The following VEPH1 variants were observed in gnomAD, a reference collection of about 807,000 sequenced individuals.
The protein encoded by VEPH1 is ventricular zone-expressed PH domain-containing protein homolog 1.
A neutral mutation model predicts 85.2 loss-of-function variants in VEPH1; 80 were observed. The ratio of observed to expected loss-of-function variants is 0.94; its 90% CI spans 0.78 to 1.13. The LOEUF is 1.13. Ranked by LOEUF, VEPH1 falls within the 50% of genes most tolerant of loss-of-function variation. The pLI is 0.00. For missense variants in VEPH1, 955 were observed against 980.5 expected (o/e 0.97, Z 0.35); for synonymous variants, 297 against 348.0 (o/e 0.85, Z 1.63).
intron 3 of VEPH1, among the ~76,000 whole-genome samples, chr3:157,469,420 G>T (rs551448472): frequency 7.2e-5 from 11 of 152,310 alleles, no homozygotes; most frequent in African/African-American, 2.4e-4. Flanking sequence ...GTGCTCAGTG[G>T]AACACAGGTT....
chr3:157,342,693 A>G (rs1391126325), intron 9 of VEPH1, among the ~76,000 whole-genome samples: 1 of 152,216 alleles, frequency 6.6e-6, no homozygotes, highest in East Asian at 1.9e-4. Context: ...ACATCTACAG[A>G]ATTCTCCACC....
intron 12 of VEPH1, among the ~76,000 whole-genome samples, chr3:157,276,705 A>AT (rs1715448460): frequency 6.6e-6 from 1 of 152,138 alleles, no homozygotes; most frequent in South Asian, 2.1e-4. Context: ...AATTTTGCTT[A>AT]TTTTTTTATT....
At chr3:157,368,749 C>G (rs1283342150) in intron 7 of VEPH1, among the ~76,000 whole-genome samples, 2 of 152,008 alleles carry the variant, frequency 1.3e-5, no homozygotes, top group East Asian at 3.9e-4. Context: ...CCTCGGCCAC[C>G]CAAAGTGCTG....
chr3:157,288,566 T>C (rs1717073607), intron 11 of VEPH1, among the ~76,000 whole-genome samples: 1 of 152,144 alleles, frequency 6.6e-6, no homozygotes, highest in Non-Finnish European at 1.5e-5. Flanking sequence ...CATTGGTTTG[T>C]AGACCCAGCA....
intron 11 of VEPH1, among the ~76,000 whole-genome samples, chr3:157,289,475 T>C (rs1717208181): frequency 1.3e-5 from 2 of 152,242 alleles, no homozygotes; most frequent in African/African-American, 4.8e-5. Context: ...AACTTTGAAG[T>C]TGGTGATAAT....
At chr3:157,370,833 G>T (rs544947294) in intron 7 of VEPH1, among the ~76,000 whole-genome samples, 4 of 152,182 alleles carry the variant, frequency 2.6e-5, no homozygotes, top group Non-Finnish European at 5.9e-5. Context: ...TGACTGAACA[G>T]AATCTTATGG....
chr3:157,354,104 C>T (rs1725170130), intron 9 of VEPH1, among the ~76,000 whole-genome samples: 1 of 152,078 alleles, frequency 6.6e-6, no homozygotes, highest in South Asian at 2.1e-4. Context: ...ATGAGTTCAT[C>T]GATTGCACCA....
chr3:157,433,606 T>C (rs1733333987), intron 4 of VEPH1, among the ~76,000 whole-genome samples: 1 of 152,260 alleles, frequency 6.6e-6, no homozygotes, highest in African/African-American at 2.4e-5. Context: ...ATGTGTATTT[T>C]TATGCATATT....
intron 2 of VEPH1, among the ~76,000 whole-genome samples, chr3:157,475,557 T>C (rs989579565): frequency 3.3e-5 from 5 of 152,152 alleles, no homozygotes; most frequent in African/African-American, 1.2e-4. Context: ...AAAGCCAGAG[T>C]GCACAAATAA....
At chr3:157,311,962 A>G (rs1033524479) in intron 11 of VEPH1, among the ~76,000 whole-genome samples, 16 of 152,202 alleles carry the variant, frequency 1.1e-4, no homozygotes, top group Admixed American at 9.2e-4. Context: ...TAGTGATGCA[A>G]TCGTTTCATA....
intron 12 of VEPH1, among the ~76,000 whole-genome samples, chr3:157,271,733 A>T (rs1714579872): frequency 6.6e-6 from 1 of 152,292 alleles, no homozygotes; most frequent in East Asian, 1.9e-4. Context: ...CAATCACTAC[A>T]TGGCAGCCTG....
intron 1 of VEPH1, among the ~76,000 whole-genome samples, chr3:157,496,057 G>A (rs896593685): frequency 1.3e-5 from 2 of 152,118 alleles, no homozygotes; most frequent in East Asian, 1.9e-4. Context: ...CTACTCCTAC[G>A]TACTCTATAA....
At chr3:157,349,829 A>G (rs1724662087) in intron 9 of VEPH1, among the ~76,000 whole-genome samples, 1 of 152,200 alleles carries the variant, frequency 6.6e-6, no homozygotes, top group Non-Finnish European at 1.5e-5. Flanking sequence ...GAGGTGGAAG[A>G]CTTCTACAAG....
intron 11 of VEPH1, among the ~76,000 whole-genome samples, chr3:157,306,720 T>C (rs779640760): frequency 6.6e-6 from 1 of 152,076 alleles, no homozygotes; most frequent in Non-Finnish European, 1.5e-5. Flanking sequence ...GATTATATTA[T>C]AAAGAGCAGA....
chr3:157,413,769 C>T, intron 6 of VEPH1, 112 bp downstream of exon 6: 1 of 1,402,972 alleles, frequency 7.1e-7, no homozygotes, highest in Non-Finnish European at 9.5e-7. Flanking sequence ...GAAATTGGAA[C>T]TCCCAGAAAT....
chr3:157,474,609 T>C (rs1417231781), intron 2 of VEPH1, among the ~76,000 whole-genome samples: 3 of 152,190 alleles, frequency 2.0e-5, no homozygotes, highest in Admixed American at 1.3e-4. Context: ...ATCGTCTGGG[T>C]CCAAACCATT....
chr3:157,413,749 A>G (rs1452807899), intron 6 of VEPH1, 132 bp downstream of exon 6: 16 of 1,385,240 alleles, frequency 1.2e-5, no homozygotes, highest in Non-Finnish European at 1.5e-5. Flanking sequence ...ACAAATTTGT[A>G]TGTCAAAGAG....
Position 157,436,971 on chromosome 3 carries a change from C to T in VEPH1, c.530-8483G>A, listed in dbSNP as rs1733636715. 7 of 1,613,946 alleles carry T rather than the reference C, an allele frequency of 4.3e-6. No individual in the cohort carries two copies. The South Asian group carries it at 4.4e-5, about 10-fold the overall frequency. On this transcript the variant is annotated intron_variant, in intron 4 of 13. Coordinates refer to ENST00000362010, the MANE Select transcript of VEPH1 (RefSeq NM_001167912.2). ...GCGATTCTGTTTTGTGCTCTCTGGT[C>T]TGCAGTGTTGGCCGAGAACTCGGAT...
At chr3:157,268,198 G>A (rs995403208) in intron 12 of VEPH1, among the ~76,000 whole-genome samples, 2 of 152,158 alleles carry the variant, frequency 1.3e-5, no homozygotes, top group African/African-American at 4.8e-5. Context: ...CATCTACAGA[G>A]ACTTCAGTTA....
Sources: gnomAD v4.1 joint callset for allele counts (sites outside exome capture counted in the v4.1 genomes callset) on GRCh38, gnomAD v4.1.1 for gene constraint, MANE v1.5 for transcripts, NCBI Gene and HGNC (gene_info 2026-07-23, HGNC 2026-07-21) for gene names.